Variants in CCDC51 observed in about 807,000 individuals in gnomAD.
CCDC51 encodes the protein mitochondrial potassium channel.
In CCDC51, 25 loss-of-function variants were observed where a neutral mutation model predicts 24.8. The ratio of observed to expected loss-of-function variants is 1.01; its 90% CI spans 0.73 to 1.41. CCDC51 has a LOEUF of 1.41. Among genes scored for constraint, CCDC51 ranks in the 40% most tolerant of loss-of-function variants. The pLI, the probability that CCDC51 is intolerant of heterozygous loss-of-function variation, is 0.00. For missense variants in CCDC51, 466 were observed against 519.1 expected (o/e 0.90, Z 0.99); for synonymous variants, 190 against 204.3 (o/e 0.93, Z 0.60).
intron 2 of CCDC51, 84 bp downstream of exon 2, chr3:48,434,733 T>C (rs1375964342): frequency 7.9e-7 from 1 of 1,263,972 alleles, no homozygotes; most frequent in Non-Finnish European, 1.1e-6. Flanking sequence ...CAAGTCTGGA[T>C]GTGGCTACCC....
rs996186251 is a variant in CCDC51 at position 48,433,705 on chromosome 3, A to C, written c.477+2T>G. On this transcript the variant is annotated splice_donor_variant, in intron 3 of 3. Coordinates refer to ENST00000395694, the MANE Select transcript of CCDC51 (RefSeq NM_001256964.2). LOFTEE classifies it high-confidence loss of function. The surrounding 1 kb of genome is among the most constrained non-coding windows in gnomAD (Gnocchi z 4.4). ...GAAAGGGCTGCCTCCTGAGGTGCCT[A>C]CCTGCAGCATCCTGTGCTCGAGAGT... 1 of 1,612,620 alleles carries C rather than the reference A, an allele frequency of 6.2e-7. No individual in the cohort carries two copies. Among genetic ancestry groups the C allele is most frequent in the African/African-American group, 1.3e-5 (1 of 74,988 alleles).
chr3:48,434,949 G>GAGGC lies in CCDC51; in HGVS notation c.176_179dup (p.Ala62ProfsTer27). The GAGGC allele has an allele frequency of 6.2e-7, 1 of 1,614,234 alleles. No individual in the cohort carries two copies. The highest frequency in any genetic ancestry group is 8.5e-7 in the Non-Finnish European group (1 of 1,180,050). ...GCCCCAGGGCTCTTCCCAGTGCTGG[G>GAGGC]AGGCGGTGGTGCAGCCCCAGGGCCA... On this transcript the variant is annotated frameshift_variant, in exon 2 of 4. Transcript: ENST00000395694. LOFTEE classifies it high-confidence loss of function.
intron 1 of CCDC51, among the ~76,000 whole-genome samples, chr3:48,438,449 T>C (rs1560093483): frequency 6.6e-6 from 1 of 151,944 alleles, no homozygotes; most frequent in Non-Finnish European, 1.5e-5. Context: ...GGGGATCTCA[T>C]CTTCCCCTCC....
At chr3:48,441,899 A>G (rs1259510788), upstream of CCDC51, among the ~76,000 whole-genome samples, 1 of 152,114 alleles carries the variant, frequency 6.6e-6, no homozygotes, top group Non-Finnish European at 1.5e-5. Context: ...TTGTTTACCT[A>G]CCCAGCACTG....
chr3:48,444,461 A>G (rs186951451), upstream of CCDC51, among the ~76,000 whole-genome samples: 1,994 of 152,120 alleles, frequency 0.013, 33 homozygotes, highest in African/African-American at 0.045. Context: ...TTTAGTAGAG[A>G]GGGGTTTCAC....
rs554954030 is a variant in CCDC51, at chr3:48,439,405, G to A, written c.-9+583C>T. 7.9e-5 allele frequency among the ~76,000 whole-genome samples: 12 copies of A among 152,300 alleles called. No individual in the cohort carries two copies. In the South Asian group the frequency reaches 2.3e-3, roughly 29 times the overall value. Reference sequence around the variant, plus strand: ...TCCCAACACTTTGGGAGGCTGAGGCGGGGGGATCACGAGGTCAGGAGTTCG... The same window carrying A: ...TCCCAACACTTTGGGAGGCTGAGGCAGGGGGATCACGAGGTCAGGAGTTCG... On this transcript the variant is annotated intron_variant, in intron 1 of 3. Coordinates refer to ENST00000395694, the MANE Select transcript of CCDC51 (RefSeq NM_001256964.2).
At chr3:48,440,379 C>G, upstream of CCDC51, 2 of 1,611,674 alleles carry the variant, frequency 1.2e-6, no homozygotes, top group Non-Finnish European at 1.7e-6. Context: ...AGGGGCAGGC[C>G]GAACGTGCTC....
upstream of CCDC51, among the ~76,000 whole-genome samples, chr3:48,442,696 C>T (rs571978129): frequency 3.2e-4 from 49 of 152,006 alleles, no homozygotes; most frequent in African/African-American, 1.1e-3. Context: ...GTGATCCACC[C>T]GCCTCCACCT....
intron 1 of CCDC51, among the ~76,000 whole-genome samples, chr3:48,436,688 G>A (rs150772411): frequency 3.2e-4 from 48 of 152,334 alleles, no homozygotes; most frequent in African/African-American, 1.1e-3. Flanking sequence ...CGCCATGGCT[G>A]GCACCACTTT....
chr3:48,445,045 C>T (rs1226716576), upstream of CCDC51: 1 of 152,362 alleles, frequency 6.6e-6, no homozygotes, highest in Non-Finnish European at 1.5e-5. Flanking sequence ...TGGTGGTGCA[C>T]TTCTGTAGTC....
upstream of CCDC51, among the ~76,000 whole-genome samples, chr3:48,441,759 T>A (rs2039575165): frequency 6.6e-6 from 1 of 152,248 alleles, no homozygotes; most frequent in Admixed American, 6.5e-5. Context: ...AACTAGTGAT[T>A]ATTTCCTCCA....
At chr3:48,446,136 A>G in the CCDC51 span, 2 of 148,020 alleles carry the variant, frequency 1.4e-5, no homozygotes, top group African/African-American at 5.3e-5. Flanking sequence ...GAGCTTAGGA[A>G]AAAAAAACAG....
At position 48,433,307 on chromosome 3, in the gene CCDC51, C is replaced by A; in HGVS notation, c.478-141G>T. The stretch of plus-strand genomic sequence containing the variant: ...CATGCTGAATGAATGAAGGTAGCAC[C>A]AACCTGGCTGGGTCAGAAGGGCAAA... On this transcript the variant is annotated intron_variant, in intron 3 of 3. Transcript: ENST00000395694. The surrounding 1 kb of genome is among the most constrained non-coding windows in gnomAD (Gnocchi z 4.4). 2.4e-6 allele frequency: 2 copies of A among 818,654 alleles called. No individual in the cohort carries two copies. The highest frequency in any genetic ancestry group is 3.8e-6 in the Non-Finnish European group (2 of 531,010). The allele number at this position is 818,654 out of a possible 1,614,324, so 50.7% of individuals were successfully genotyped here.
At chr3:48,434,102 C>A in intron 2 of CCDC51, 1 of 963,990 alleles carries the variant, frequency 1.0e-6, no homozygotes, top group Non-Finnish European at 1.4e-6. Context: ...AAATAACATG[C>A]CCCTGAAAAA....
At chr3:48,442,895 C>G (rs527914627), upstream of CCDC51, among the ~76,000 whole-genome samples, 1 of 152,118 alleles carries the variant, frequency 6.6e-6, no homozygotes, top group South Asian at 2.1e-4. Context: ...AGTCAGATGA[C>G]TCAGGTTGGG....
intron 2 of CCDC51, among the ~76,000 whole-genome samples, chr3:48,434,238 G>A (rs1363294195): frequency 6.6e-6 from 1 of 152,204 alleles, no homozygotes. Flanking sequence ...GTGGCCTCCA[G>A]TTTATAAACC....
rs748386443 is a variant in CCDC51, at chr3:48,432,867, C to T, written c.777G>A (p.Gln259=). The part of the protein sequence containing the change: ...REQASSYSRQ[Q]RDLHNLMVDL... ...CCACCATGAGATTGTGGAGGTCCCT[C>T]TGCTGGCGGGAGTAGCTAGACGCCT... is the stretch of plus-strand genomic sequence containing the variant. The change falls in exon 4 of 4, where the codon CAG becomes CAA. Residue 259 remains glutamine, a synonymous_variant. Transcript: ENST00000395694. 5 of 1,613,756 alleles carry T rather than the reference C, an allele frequency of 3.1e-6. 1 individual carries two copies. The South Asian group carries it at 5.5e-5, about 18-fold the overall frequency.
At chr3:48,440,564 A>G (rs2039534936), upstream of CCDC51, 4 of 1,611,956 alleles carry the variant, frequency 2.5e-6, no homozygotes, top group Non-Finnish European at 2.5e-6. Context: ...TCAAGCAGAA[A>G]CAAAAAGAGG....
chr3:48,436,068 TGAGGACCCCAAA>T (rs1254037165), intron 1 of CCDC51, among the ~76,000 whole-genome samples: 1 of 152,156 alleles, frequency 6.6e-6, no homozygotes. Flanking sequence ...CCAGTGACTC[TGAGGACCCCAAA>T]GAGGTGGCCA....
Sources: gnomAD v4.1 joint callset for allele counts (sites outside exome capture counted in the v4.1 genomes callset) on GRCh38, gnomAD v4.1.1 for gene constraint, Gnocchi (gnomAD v3.1) non-coding constraint, MANE v1.5 for transcripts, NCBI Gene and HGNC (gene_info 2026-07-23, HGNC 2026-07-21) for gene names.